Variants in ANGPTL5 observed in about 807,000 individuals in gnomAD.
ANGPTL5 encodes the protein angiopoietin like 5, also known as angiopoietin-related protein 5.
In ANGPTL5, 34 loss-of-function variants were observed where a neutral mutation model predicts 39.4. That is an observed-to-expected ratio of 0.86 (90% CI 0.66 to 1.15). The LOEUF is 1.15. Ranked by LOEUF, ANGPTL5 falls within the 50% of genes most tolerant of loss-of-function variation. ANGPTL5 has a pLI of 0.00. For synonymous variants in ANGPTL5, 146 were observed against 152.1 expected, an observed-to-expected ratio of 0.96 and a Z score of 0.29; for missense variants, 467 against 457.5, an observed-to-expected ratio of 1.02 and a Z score of -0.19.
In ANGPTL5 at chr11:101,891,161, A is replaced by C; in HGVS notation, c.*118T>G. The C allele has an allele frequency of 5.6e-6, 5 of 896,264 alleles. No individual in the cohort carries two copies. The South Asian group carries it at 9.5e-5, about 17-fold the overall frequency. The allele number at this position is 896,264 out of a possible 1,614,324, so 55.5% of individuals were successfully genotyped here. On this transcript the variant is annotated 3_prime_UTR_variant, in exon 9 of 9. Transcript: ENST00000334289. Reference sequence around the variant, plus strand: ...TTTCTAATTAAACTCATAACATCTAAATGCCATCTACAGTTAAATTTTGCC... The same window carrying C: ...TTTCTAATTAAACTCATAACATCTACATGCCATCTACAGTTAAATTTTGCC...
chr11:101,910,720 A>G (rs984002092), intron 1 of ANGPTL5, among the ~76,000 whole-genome samples: 6 of 152,090 alleles, frequency 3.9e-5, no homozygotes, highest in Non-Finnish European at 8.8e-5. Context: ...CGCTTACTGC[A>G]ACCATCCACC....
At chr11:101,911,317 T>C (rs557335183) in intron 1 of ANGPTL5, among the ~76,000 whole-genome samples, 1 of 151,840 alleles carries the variant, frequency 6.6e-6, no homozygotes, top group South Asian at 2.1e-4. Context: ...AGAGATGGGG[T>C]TTCACCATGT....
intron 1 of ANGPTL5, among the ~76,000 whole-genome samples, chr11:101,910,424 A>AAAAAAAT (rs1469724609): frequency 2.4e-5 from 3 of 127,218 alleles, no homozygotes; most frequent in African/African-American, 9.1e-5. Flanking sequence ...AAAAAAAAAA[A>AAAAAAAT]ATATATATAT....
intron 3 of ANGPTL5, among the ~76,000 whole-genome samples, chr11:101,906,584 T>C (rs1321889306): frequency 6.6e-6 from 1 of 152,144 alleles, no homozygotes; most frequent in Admixed American, 6.5e-5. Context: ...AAACATTCAC[T>C]ACCTATATTT....
At chr11:101,905,513 C>A (rs1034896571) in intron 4 of ANGPTL5, among the ~76,000 whole-genome samples, 1 of 152,178 alleles carries the variant, frequency 6.6e-6, no homozygotes, top group African/African-American at 2.4e-5. Context: ...GCCATTCTAG[C>A]AACCACATTT....
Position 101,897,537 on chromosome 11 carries a change from G to A in ANGPTL5, c.662-2473C>T, listed in dbSNP as rs182052122. Among the ~76,000 whole-genome samples the A allele has an allele frequency of 1.8e-4, 27 of 152,264 alleles. No individual in the cohort carries two copies. In the East Asian group the frequency reaches 4.1e-3, roughly 23 times the overall value. ...TATCTTGAATTAATTTTTGTATAAGGTAAAAGAAAGGGATCCAGTTTCAGT... is the reference window on the plus strand; with the variant it reads ...TATCTTGAATTAATTTTTGTATAAGATAAAAGAAAGGGATCCAGTTTCAGT... On this transcript the variant is annotated intron_variant, in intron 7 of 8. Transcript: ENST00000334289.
chr11:101,915,722 C>A (rs1366422941), intron 1 of ANGPTL5, among the ~76,000 whole-genome samples: 1 of 152,132 alleles, frequency 6.6e-6, no homozygotes, highest in African/African-American at 2.4e-5. Context: ...CCATTATGTT[C>A]TTTACTTACA....
intron 1 of ANGPTL5, among the ~76,000 whole-genome samples, chr11:101,912,140 T>C (rs1244702534): frequency 6.6e-6 from 1 of 152,264 alleles, no homozygotes; most frequent in East Asian, 1.9e-4. Context: ...TGAAGTTTTA[T>C]TCACTGTATC....
Position 101,905,769 on chromosome 11 carries a change from G to A in ANGPTL5, c.320C>T (p.Ala107Val). ...CTGATTAGATAAATAATCCAAGGAA[G>A]CTTGTTGCTCATCCATCATATTCCT... The part of the protein sequence containing the change: ...LLRNMMDEQQ[A>V]SLDYLSNQVN... Residue 107 changes from alanine to valine, a missense_variant, in exon 4 of 9, where the codon GCT becomes GTT. Physicochemically the swap from Ala to Val is moderately conservative, Grantham distance 64. Coordinates refer to ENST00000334289, the MANE Select transcript of ANGPTL5 (RefSeq NM_178127.5). 1 of 1,609,768 alleles carries A rather than the reference G, an allele frequency of 6.2e-7. No individual in the cohort carries two copies. The highest frequency in any genetic ancestry group is 8.5e-7 in the Non-Finnish European group (1 of 1,176,760).
Position 101,895,054 on chromosome 11 carries a change from C to A in ANGPTL5, c.672G>T (p.Trp224Cys). The change falls in exon 8 of 9, where the codon TGG becomes TGT. Residue 224 changes from tryptophan (W) to cysteine (C), a missense_variant. Coordinates refer to ENST00000334289, the MANE Select transcript of ANGPTL5 (RefSeq NM_178127.5). The part of the protein sequence containing the change: ...DGFGDLLGEF[W>C]LGLKKIFYIV... The stretch of plus-strand genomic sequence containing the variant: ...TATAAAAAATCTTTTTCAGTCCTAG[C>A]CAAAATTCTCCTGTAAAAAAAATGC... 6.3e-7 allele frequency: 1 copy of A among 1,580,162 alleles called. No individual in the cohort carries two copies. The highest frequency in any genetic ancestry group is 1.2e-5 in the South Asian group (1 of 86,720).
chr11:101,895,100 TACAA>T, intron 7 of ANGPTL5, 36 bp from the exon 8 acceptor site: 2 of 1,401,730 alleles, frequency 1.4e-6, no homozygotes, highest in South Asian at 1.3e-5. Flanking sequence ...TATATTTTAA[TACAA>T]ATTAGAATAA....
intron 1 of ANGPTL5, among the ~76,000 whole-genome samples, chr11:101,913,447 T>A (rs898016450): frequency 2.6e-4 from 40 of 152,160 alleles, no homozygotes; most frequent in African/African-American, 8.9e-4. Flanking sequence ...ACATCCCTCC[T>A]TCAAAGTACC....
rs183747772 is a variant in ANGPTL5, at chr11:101,900,506, T to C, written c.585A>G (p.Ile195Met). The C allele has an allele frequency of 5.5e-5, 88 of 1,612,844 alleles. 1 individual carries two copies. The East Asian group carries it at 1.2e-3, about 22-fold the overall frequency. The change falls in exon 7 of 9, where the codon ATA (isoleucine) becomes ATG (methionine). Residue 195 changes from isoleucine to methionine, a missense_variant. Transcript: ENST00000334289. ...CAATTATCCCATCAATTCTTTTCTG[T>C]ATCACAGTCCGTCCACCTCCTCTGT... is the stretch of plus-strand genomic sequence containing the variant. Reference protein sequence around the residue: ...MDYRGGGRTVIQKRIDGIIDF... With the variant: ...MDYRGGGRTVMQKRIDGIIDF...
intron 8 of ANGPTL5, among the ~76,000 whole-genome samples, chr11:101,894,099 A>G (rs1161632273): frequency 1.3e-5 from 2 of 152,208 alleles, no homozygotes; most frequent in Non-Finnish European, 2.9e-5. Context: ...ATCAACTGAA[A>G]TCATTCTCAC....
chr11:101,896,069 C>A lies in ANGPTL5; in HGVS notation c.662-1005G>T, dbSNP rs941377871. Among the ~76,000 whole-genome samples, 8 of 152,208 alleles carry A rather than the reference C, an allele frequency of 5.3e-5. No homozygotes were observed. The East Asian group carries it at 1.2e-3, about 22-fold the overall frequency. On this transcript the variant is annotated intron_variant, in intron 7 of 8. Coordinates refer to ENST00000334289, the MANE Select transcript of ANGPTL5 (RefSeq NM_178127.5). Reference sequence around the variant, plus strand: ...GGTCCACTGAGTCTCACACAGTATACAACACTTCAATTTAAGTGCCCCTGC... The same window carrying A: ...GGTCCACTGAGTCTCACACAGTATAAAACACTTCAATTTAAGTGCCCCTGC...
intron 8 of ANGPTL5, among the ~76,000 whole-genome samples, chr11:101,892,691 T>C (rs1939724365): frequency 6.6e-6 from 1 of 152,196 alleles, no homozygotes; most frequent in Admixed American, 6.5e-5. Flanking sequence ...CCATAATGCC[T>C]CCATTTCACC....
At chr11:101,895,870 G>A (rs555946172) in intron 7 of ANGPTL5, among the ~76,000 whole-genome samples, 52 of 152,268 alleles carry the variant, frequency 3.4e-4, no homozygotes, top group African/African-American at 1.2e-3. Flanking sequence ...TAAGGGTCCA[G>A]TCAAAACAAA....
intron 6 of ANGPTL5, among the ~76,000 whole-genome samples, chr11:101,901,980 T>C (rs1484475150): frequency 6.6e-6 from 1 of 151,810 alleles, no homozygotes; most frequent in Admixed American, 6.6e-5. Context: ...CACACACACA[T>C]ATATATTCCA....
Position 101,893,741 on chromosome 11 carries a change from A to G in ANGPTL5, c.847+1138T>C, listed in dbSNP as rs55705947. Reference sequence around the variant, plus strand: ...ATTGTAACTTTTTAAACTTTTCCCTATAGATCATGATTGGAATTTCAGACT... The same window carrying G: ...ATTGTAACTTTTTAAACTTTTCCCTGTAGATCATGATTGGAATTTCAGACT... On this transcript the variant is annotated intron_variant, in intron 8 of 8. Transcript: ENST00000334289. 1.7e-3 allele frequency among the ~76,000 whole-genome samples: 262 copies of G among 152,320 alleles called. 1 individual carries two copies. Among genetic ancestry groups the G allele is most frequent in the African/African-American group, 5.9e-3 (246 of 41,564 alleles).
Sources: allele counts gnomAD v4.1 joint callset (sites outside exome capture counted in the v4.1 genomes callset), GRCh38; gene constraint gnomAD v4.1.1; transcripts MANE v1.5; gene names NCBI Gene and HGNC (gene_info 2026-07-23, HGNC 2026-07-21).